Variants in CNBD2 observed in about 807,000 individuals in gnomAD.
CNBD2 encodes cyclic nucleotide binding domain containing 2, also known as cyclic nucleotide-binding domain-containing protein 2.
CNBD2 carries 64 observed loss-of-function variants against 63.7 expected under a neutral mutation model. The observed-to-expected ratio is 1.00, with a 90% confidence interval of 0.82 to 1.24. The LOEUF (loss-of-function observed/expected upper bound fraction) is 1.24. Among genes scored for constraint, CNBD2 ranks in the 50% most tolerant of loss-of-function variants. The pLI is 0.00. For synonymous variants in CNBD2, 229 were observed against 255.4 expected (o/e 0.90, Z 0.99); for missense variants, 691 against 713.5 (o/e 0.97, Z 0.36).
intron 11 of CNBD2, among the ~76,000 whole-genome samples, chr20:36,028,399 C>T (rs1167433433): frequency 1.3e-5 from 2 of 152,060 alleles, no homozygotes; most frequent in African/African-American, 4.8e-5. Flanking sequence ...GAAAACATAT[C>T]CATTATCTAG....
intron 8 of CNBD2, among the ~76,000 whole-genome samples, chr20:36,000,356 G>A (rs2056879218): frequency 6.6e-6 from 1 of 151,994 alleles, no homozygotes; most frequent in African/African-American, 2.4e-5. Context: ...TCAACAAGAA[G>A]TCCGTTAACA....
chr20:36,028,678 C>T (rs972383640), intron 11 of CNBD2, among the ~76,000 whole-genome samples: 4 of 99,596 alleles, frequency 4.0e-5, no homozygotes, highest in Non-Finnish European at 7.1e-5. Context: ...AAGGGCGTCA[C>T]GGGCTGGTTT....
chr20:36,030,219 AG>A, intron 11 of CNBD2, 137 bp from the exon 12 acceptor site: 1 of 827,416 alleles, frequency 1.2e-6, no homozygotes, highest in Non-Finnish European at 1.9e-6. Flanking sequence ...GGAAAGGGAA[AG>A]GGTGCAGAAG....
chr20:35,980,855 AACC>A (rs2056589432), intron 4 of CNBD2, among the ~76,000 whole-genome samples: 3 of 152,360 alleles, frequency 2.0e-5, no homozygotes, highest in Admixed American at 6.5e-5. Flanking sequence ...ATCTAGTAGA[AACC>A]TCAGAGAGGA....
downstream of CNBD2, among the ~76,000 whole-genome samples, chr20:35,958,435 AAAAT>A (rs1453110527): frequency 2.0e-5 from 3 of 152,224 alleles, no homozygotes; most frequent in Admixed American, 6.5e-5. Context: ...TCATCTCAAA[AAAAT>A]AAATAAGTTT....
Position 36,030,671 on chromosome 20 carries a change from T to A in CNBD2, c.*23T>A. ...TAGTGTAAGAGCACAGGGGTCCTTA[T>A]TTAGGACAAATAAAGGATGGTGGAT... On this transcript the variant is annotated 3_prime_UTR_variant, in exon 12 of 12. Transcript: ENST00000373973. 1 of 1,611,098 alleles carries A rather than the reference T, an allele frequency of 6.2e-7. No individual in the cohort carries two copies. The highest frequency in any genetic ancestry group is 8.5e-7 in the Non-Finnish European group (1 of 1,177,812).
At position 36,030,669 on chromosome 20, in the gene CNBD2, T is replaced by C; in HGVS notation, c.*21T>C. On this transcript the variant is annotated 3_prime_UTR_variant, in exon 12 of 12. Coordinates refer to ENST00000373973, the MANE Select transcript of CNBD2 (RefSeq NM_001365709.1). Reference sequence around the variant, plus strand: ...CTTAGTGTAAGAGCACAGGGGTCCTTATTTAGGACAAATAAAGGATGGTGG... The same window carrying C: ...CTTAGTGTAAGAGCACAGGGGTCCTCATTTAGGACAAATAAAGGATGGTGG... 6.2e-7 allele frequency: 1 copy of C among 1,611,416 alleles called. No homozygotes were observed. The highest frequency in any genetic ancestry group is 1.3e-5 in the African/African-American group (1 of 74,854).
At chr20:35,994,815 G>GGAGGCAGAGGTTGCAGT (rs1489419915) in intron 7 of CNBD2, among the ~76,000 whole-genome samples, 1 of 152,098 alleles carries the variant, frequency 6.6e-6, no homozygotes, top group Non-Finnish European at 1.5e-5. Flanking sequence ...CTTGAACTCA[G>GGAGGCAGAGGTTGCAGT]GAGGCAGAGG....
chr20:35,992,935 G>A (rs1383409956), intron 7 of CNBD2, among the ~76,000 whole-genome samples: 1 of 152,028 alleles, frequency 6.6e-6, no homozygotes. Context: ...AGCTGCGGGT[G>A]GCTGGACACC....
At chr20:35,976,028 G>T in intron 3 of CNBD2, 26 bp downstream of exon 3, 1 of 1,592,994 alleles carries the variant, frequency 6.3e-7, no homozygotes, top group East Asian at 2.3e-5. Flanking sequence ...AACTTGCTGT[G>T]GGGGAATTTT....
downstream of CNBD2, among the ~76,000 whole-genome samples, chr20:35,957,529 T>C (rs959449070): frequency 1.3e-5 from 2 of 152,114 alleles, no homozygotes; most frequent in African/African-American, 4.8e-5. Context: ...TGGTATATGC[T>C]TGAAAATGTC....
intron 10 of CNBD2, among the ~76,000 whole-genome samples, chr20:36,021,845 A>T (rs1467150849): frequency 6.6e-6 from 1 of 152,108 alleles, no homozygotes; most frequent in African/African-American, 2.4e-5. Context: ...AGATAGAACA[A>T]AGTAGGAATT....
chr20:36,025,206 C>G (rs1199199951), intron 11 of CNBD2, among the ~76,000 whole-genome samples: 2 of 152,132 alleles, frequency 1.3e-5, no homozygotes, highest in Non-Finnish European at 1.5e-5. Context: ...TTATAAAACA[C>G]TTACCCGAGA....
upstream of CNBD2, among the ~76,000 whole-genome samples, chr20:35,968,004 G>T (rs2056360836): frequency 6.6e-6 from 1 of 152,150 alleles, no homozygotes; most frequent in Non-Finnish European, 1.5e-5. Flanking sequence ...TTCTCCTTGT[G>T]GGGCAGGGCT....
chr20:35,976,034 A>C (rs199638938), intron 3 of CNBD2, 32 bp downstream of exon 3: 48 of 1,584,602 alleles, frequency 3.0e-5, no homozygotes, highest in Non-Finnish European at 4.2e-5. Context: ...CTGTGGGGGA[A>C]TTTTCTTTCT....
At chr20:35,999,293 A>T (rs2147286481) in intron 8 of CNBD2, among the ~76,000 whole-genome samples, 1 of 152,260 alleles carries the variant, frequency 6.6e-6, no homozygotes, top group Middle Eastern at 3.4e-3. Flanking sequence ...TTGACATTTA[A>T]TGTTAATATT....
intron 7 of CNBD2, among the ~76,000 whole-genome samples, chr20:35,993,453 A>C (rs940325489): frequency 1.3e-5 from 2 of 152,182 alleles, no homozygotes; most frequent in African/African-American, 4.8e-5. Flanking sequence ...TGTTATTTTT[A>C]ATTTTATAAA....
downstream of CNBD2, among the ~76,000 whole-genome samples, chr20:35,958,446 G>A (rs2056278926): frequency 6.6e-6 from 1 of 152,062 alleles, no homozygotes; most frequent in Non-Finnish European, 1.5e-5. Flanking sequence ...AAATAAATAA[G>A]TTTTTTATTT....
chr20:35,964,856 T>C (rs2056333635), upstream of CNBD2, among the ~76,000 whole-genome samples: 1 of 151,560 alleles, frequency 6.6e-6, no homozygotes, highest in South Asian at 2.1e-4. Context: ...GTTCCCGCTA[T>C]AAAGCCCAGC....
Sources: allele counts gnomAD v4.1 joint callset (sites outside exome capture counted in the v4.1 genomes callset), GRCh38; gene constraint gnomAD v4.1.1; transcripts MANE v1.5; gene names NCBI Gene and HGNC (gene_info 2026-07-23, HGNC 2026-07-21).